ABI1: variants seen among roughly 807,000 people sequenced by gnomAD.
The protein encoded by ABI1 is abl interactor 1.
A neutral mutation model predicts 54.6 loss-of-function variants in ABI1; 14 were observed. The observed-to-expected ratio is 0.26, with a 90% confidence interval of 0.17 to 0.40. ABI1 has a LOEUF of 0.40. Among genes scored for constraint, ABI1 ranks in the 10% least tolerant of loss-of-function variants. The pLI is 1.00. For missense variants in ABI1, 443 were observed against 598.3 expected (o/e 0.74, Z 2.71); for synonymous variants, 194 against 209.3 (o/e 0.93, Z 0.63).
chr10:26,834,431 G>C (rs1045323388), intron 1 of ABI1, among the ~76,000 whole-genome samples: 7 of 151,910 alleles, frequency 4.6e-5, no homozygotes, highest in African/African-American at 1.7e-4. Flanking sequence ...CTATCCATCT[G>C]ACACAGGACC....
At chr10:26,785,143 C>T (rs568997841) in intron 2 of ABI1, among the ~76,000 whole-genome samples, 1 of 152,182 alleles carries the variant, frequency 6.6e-6, no homozygotes, top group East Asian at 1.9e-4. Context: ...CAGCCTCTGT[C>T]GGTAAGATTA....
intron 2 of ABI1, 70 bp from the exon 3 acceptor site, chr10:26,777,311 G>T: frequency 7.8e-7 from 1 of 1,280,914 alleles, no homozygotes; most frequent in Non-Finnish European, 1.1e-6. Flanking sequence ...ATATACACTG[G>T]ACCATATTTA....
intron 9 of ABI1, among the ~76,000 whole-genome samples, chr10:26,755,327 T>TA (rs1338584730): frequency 2.6e-5 from 4 of 152,230 alleles, no homozygotes; most frequent in Non-Finnish European, 4.4e-5. Context: ...CTAATTCTAG[T>TA]AACTGTTAGA....
At chr10:26,839,615 C>T (rs767579011) in intron 1 of ABI1, 3 of 609,622 alleles carry the variant, frequency 4.9e-6, no homozygotes, top group Non-Finnish European at 8.7e-6. Context: ...ATCAGCACCA[C>T]CCTTAACTGA....
intron 3 of ABI1, chr10:26,776,800 TA>T: frequency 6.5e-6 from 2 of 307,400 alleles, no homozygotes; most frequent in Non-Finnish European, 1.2e-5. Flanking sequence ...AAGAAAGACA[TA>T]GAATTCACAA....
At chr10:26,811,769 A>AG (rs2047247694) in intron 2 of ABI1, among the ~76,000 whole-genome samples, 1 of 15,586 alleles carries the variant, frequency 6.4e-5, no homozygotes, top group Non-Finnish European at 2.0e-4. Flanking sequence ...ATTTGTATAA[A>AG]TTTGTATAAA....
intron 2 of ABI1, among the ~76,000 whole-genome samples, chr10:26,782,689 C>G (rs1842260885): frequency 6.7e-6 from 1 of 149,236 alleles, no homozygotes; most frequent in Non-Finnish European, 1.5e-5. Flanking sequence ...TGCCACTGCA[C>G]TCCAGCCTGG....
chr10:26,751,816 A>G, intron 9 of ABI1, 33 bp from the exon 10 acceptor site: 2 of 1,557,670 alleles, frequency 1.3e-6, no homozygotes, highest in Non-Finnish European at 1.7e-6. Context: ...TTTGAATCAA[A>G]AATAAGTCTA....
At chr10:26,828,764 TG>T (rs1176706969) in intron 1 of ABI1, among the ~76,000 whole-genome samples, 2 of 152,216 alleles carry the variant, frequency 1.3e-5, no homozygotes. Flanking sequence ...TCTTTATTGC[TG>T]GTGTTAATAC....
intron 1 of ABI1, among the ~76,000 whole-genome samples, chr10:26,839,948 C>T (rs975518229): frequency 9.9e-5 from 15 of 152,034 alleles, no homozygotes; most frequent in Non-Finnish European, 1.6e-4. Flanking sequence ...TATGATCACA[C>T]GACTGCACTC....
intron 2 of ABI1, among the ~76,000 whole-genome samples, chr10:26,788,255 T>C (rs1440749315): frequency 2.6e-4 from 40 of 152,216 alleles, no homozygotes; most frequent in Admixed American, 2.6e-3. Context: ...TCCCCAGCCA[T>C]GTGGAACTAT....
intron 1 of ABI1, among the ~76,000 whole-genome samples, chr10:26,843,783 A>T (rs2049771517): frequency 6.6e-6 from 1 of 151,748 alleles, no homozygotes. Context: ...AAAAAAAAAT[A>T]GCTCTATATA....
chr10:26,851,959 G>A (rs115282837), intron 1 of ABI1, among the ~76,000 whole-genome samples: 1,778 of 152,146 alleles, frequency 0.012, 38 homozygotes, highest in African/African-American at 0.04. Context: ...TGTTGAGGGC[G>A]CACTTTTGAG....
rs766284573 is a variant in ABI1, at chr10:26,768,900, T to C, written c.671A>G (p.His224Arg). The change falls in exon 6 of 11, where the codon CAT (histidine) becomes CGT (arginine). Residue 224 changes from histidine (H) to arginine (R), a missense_variant. Coordinates refer to ENST00000376140, the MANE Select transcript of ABI1 (RefSeq NM_001012750.3). Reference protein sequence around the residue: ...MTSPARLGSQHSPGRTASLNQ... With the variant: ...MTSPARLGSQRSPGRTASLNQ... Reference sequence around the variant, plus strand: ...TAAAGATGCTGTCCTGCCTGGACTATGCTGACTTCCAAGCCTAGCAGGACT... The same window carrying C: ...TAAAGATGCTGTCCTGCCTGGACTACGCTGACTTCCAAGCCTAGCAGGACT... 3.1e-6 allele frequency: 5 copies of C among 1,613,724 alleles called. No individual in the cohort carries two copies. Among genetic ancestry groups the C allele is most frequent in the Non-Finnish European group, 4.2e-6 (5 of 1,179,790 alleles).
chr10:26,823,094 T>C (rs2048090082), intron 2 of ABI1, 44 bp downstream of exon 2: 1 of 1,505,540 alleles, frequency 6.6e-7, no homozygotes, highest in Non-Finnish European at 8.9e-7. Flanking sequence ...GCATATGCTG[T>C]AGTTTTTTTT....
At chr10:26,852,978 C>T (rs1413675518) in intron 1 of ABI1, among the ~76,000 whole-genome samples, 1 of 152,096 alleles carries the variant, frequency 6.6e-6, no homozygotes, top group Non-Finnish European at 1.5e-5. Flanking sequence ...TCACTACCAA[C>T]TATGTCTGAG....
At chr10:26,754,886 A>G (rs1321671225) in intron 9 of ABI1, among the ~76,000 whole-genome samples, 1 of 152,234 alleles carries the variant, frequency 6.6e-6, no homozygotes, top group African/African-American at 2.4e-5. Flanking sequence ...AAAAGTAATC[A>G]GGCAGTAATA....
At chr10:26,786,221 T>TG (rs199969839) in intron 2 of ABI1, among the ~76,000 whole-genome samples, 5 of 111,690 alleles carry the variant, frequency 4.5e-5, no homozygotes, top group African/African-American at 1.5e-4. Context: ...CTCTCTACAC[T>TG]TTTTTTTTTT....
chr10:26,860,165 T>TTAAA lies in ABI1; in HGVS notation c.117+578_117+581dup, dbSNP rs1176064648. Among the ~76,000 whole-genome samples, 10 of 151,994 alleles carry TTAAA rather than the reference T, an allele frequency of 6.6e-5. No individual in the cohort carries two copies. The highest frequency in any genetic ancestry group is 4.2e-4 in the South Asian group (2 of 4,812). On this transcript the variant is annotated intron_variant, in intron 1 of 10. Coordinates refer to ENST00000376140, the MANE Select transcript of ABI1 (RefSeq NM_001012750.3). This position sits in a 1 kb window ranked among gnomAD's most constrained non-coding sequence, Gnocchi z 4.1. ...TAATGTGACTCATGACAAATTTTTT[T>TTAAA]TAAATAAATAAATAAATAAAAGACA...
Sources: allele counts gnomAD v4.1 joint callset (sites outside exome capture counted in the v4.1 genomes callset), GRCh38; gene constraint gnomAD v4.1.1; non-coding constraint Gnocchi (gnomAD v3.1); transcripts MANE v1.5; gene names NCBI Gene and HGNC (gene_info 2026-07-23, HGNC 2026-07-21).